The following SERGEF variants were observed in gnomAD, a reference collection of about 807,000 sequenced individuals.
SERGEF encodes the protein secretion regulating guanine nucleotide exchange factor.
A neutral mutation model predicts 50.0 loss-of-function variants in SERGEF; 51 were observed. The ratio of observed to expected loss-of-function variants is 1.02; its 90% CI spans 0.81 to 1.29. The LOEUF is 1.29. Among genes scored for constraint, SERGEF ranks in the 50% most tolerant of loss-of-function variants. SERGEF has a pLI of 0.00. For synonymous variants in SERGEF, 205 were observed against 212.4 expected (o/e 0.97, Z 0.30); for missense variants, 521 against 557.0 (o/e 0.94, Z 0.65).
chr11:17,830,434 T>C (rs940194422), intron 10 of SERGEF, among the ~76,000 whole-genome samples: 1 of 152,088 alleles, frequency 6.6e-6, no homozygotes, highest in Non-Finnish European at 1.5e-5. Context: ...TAGACGTTTA[T>C]TGGTTTATAG....
At chr11:17,890,006 T>C (rs997303695) in intron 9 of SERGEF, among the ~76,000 whole-genome samples, 5 of 135,132 alleles carry the variant, frequency 3.7e-5, no homozygotes, top group African/African-American at 1.4e-4. Flanking sequence ...CATTTTACTG[T>C]AGGTAAGTTA....
chr11:17,978,722 C>CTAT, intron 8 of SERGEF, among the ~76,000 whole-genome samples: 1 of 152,314 alleles, frequency 6.6e-6, no homozygotes, highest in Non-Finnish European at 1.5e-5. Flanking sequence ...TTATGCAAGA[C>CTAT]CCTTTCCCTT....
intron 9 of SERGEF, among the ~76,000 whole-genome samples, chr11:17,896,861 GGGAAGGGAAGGGAAGGGAAGGGAA>G (rs1851651923): frequency 5.1e-4 from 2 of 3,942 alleles, no homozygotes; most frequent in African/African-American, 2.8e-3. Context: ...GGTAAGGGAA[GGGAAGGGAAGGGAAGGGAAGGGAA>G]GGGAAGGGAA....
In SERGEF at chr11:17,914,858, G is replaced by A. The variant is rs138995330; in HGVS notation, c.1012-36614C>T. Among the ~76,000 whole-genome samples the A allele has an allele frequency of 5.6e-4, 86 of 152,258 alleles. 1 individual carries two copies. In the East Asian group the frequency reaches 0.016, roughly 28 times the overall value. On this transcript the variant is annotated intron_variant, in intron 9 of 10. Coordinates refer to ENST00000265965, the MANE Select transcript of SERGEF (RefSeq NM_012139.4). ...AATATAATAGTGATCAACACAAAGGGCCCTGCTCTCATGGAGTTTAAATTC... is the reference window on the plus strand; with the variant it reads ...AATATAATAGTGATCAACACAAAGGACCCTGCTCTCATGGAGTTTAAATTC...
In SERGEF at chr11:17,880,320, G is replaced by A. The variant is rs142734386; in HGVS notation, c.1012-2076C>T. On this transcript the variant is annotated intron_variant, in intron 9 of 10. Coordinates refer to ENST00000265965, the MANE Select transcript of SERGEF (RefSeq NM_012139.4). ...TCATTATATGCTTCCTGGCTGTAAT[G>A]AGGCTGGTTCTCTAGGTCTGTTACA... Among the ~76,000 whole-genome samples, 183 of 152,328 alleles carry A rather than the reference G, an allele frequency of 1.2e-3. 1 individual carries two copies. The highest frequency in any genetic ancestry group is 4.2e-3 in the African/African-American group (175 of 41,578).
intron 9 of SERGEF, among the ~76,000 whole-genome samples, chr11:17,899,263 T>C (rs1342403741): frequency 6.6e-6 from 1 of 152,216 alleles, no homozygotes; most frequent in Non-Finnish European, 1.5e-5. Flanking sequence ...TTTTAATTAA[T>C]AATTTGGTCC....
chr11:17,788,375 T>C lies in SERGEF; in HGVS notation c.1087A>G (p.Met363Val), dbSNP rs1254895198. Residue 363 changes from methionine (M) to valine (V), a missense_variant, in exon 11 of 11, where the codon ATG becomes GTG. Transcript: ENST00000265965. Reference sequence around the variant, plus strand: ...TTGGCTTCAGTGCCATCTCCGCACATGCCATGCTCATTCCAGCCCCAAGAG... The same window carrying C: ...TTGGCTTCAGTGCCATCTCCGCACACGCCATGCTCATTCCAGCCCCAAGAG... ...CYSWGWNEHG[M>V]CGDGTEANVW... is the part of the protein sequence containing the mutation. The C allele has an allele frequency of 6.2e-7, 1 of 1,612,900 alleles. No individual in the cohort carries two copies. The highest frequency in any genetic ancestry group is 1.3e-5 in the African/African-American group (1 of 74,920).
intron 9 of SERGEF, among the ~76,000 whole-genome samples, chr11:17,926,537 T>C (rs1253305862): frequency 1.3e-5 from 2 of 152,198 alleles, no homozygotes; most frequent in African/African-American, 4.8e-5. Context: ...TTTCAGAGGT[T>C]AGCAGCTCAG....
At chr11:17,899,921 A>G (rs1361232987) in intron 9 of SERGEF, among the ~76,000 whole-genome samples, 1 of 150,366 alleles carries the variant, frequency 6.7e-6, no homozygotes, top group East Asian at 2.0e-4. Context: ...GCATGACTAC[A>G]CTCCAGCCTG....
intron 9 of SERGEF, among the ~76,000 whole-genome samples, chr11:17,924,492 C>T (rs1398910440): frequency 6.6e-6 from 1 of 152,068 alleles, no homozygotes; most frequent in African/African-American, 2.4e-5. Flanking sequence ...CCAAAAATTC[C>T]CTGCAAGCTC....
At chr11:17,792,174 C>G (rs1238166896) in intron 10 of SERGEF, among the ~76,000 whole-genome samples, 3 of 152,228 alleles carry the variant, frequency 2.0e-5, no homozygotes, top group Non-Finnish European at 4.4e-5. Context: ...AAGGCAATCA[C>G]TGGCCAAAAG....
At chr11:17,910,942 T>C (rs1208862405) in intron 9 of SERGEF, among the ~76,000 whole-genome samples, 2 of 152,142 alleles carry the variant, frequency 1.3e-5, no homozygotes, top group Non-Finnish European at 2.9e-5. Flanking sequence ...AAGTAGAACC[T>C]AAGCTGGACC....
At chr11:17,943,314 T>G (rs2133957821) in intron 9 of SERGEF, among the ~76,000 whole-genome samples, 1 of 152,264 alleles carries the variant, frequency 6.6e-6, no homozygotes, top group East Asian at 1.9e-4. Flanking sequence ...TACACTGTAG[T>G]TTTTCAAAAA....
At chr11:17,913,561 G>A (rs951530240) in intron 9 of SERGEF, among the ~76,000 whole-genome samples, 2 of 152,134 alleles carry the variant, frequency 1.3e-5, no homozygotes, top group Non-Finnish European at 2.9e-5. Context: ...AGGTAGCTTT[G>A]GGGGGTACTG....
chr11:17,995,816 T>C lies in SERGEF; in HGVS notation c.602A>G (p.Lys201Arg), dbSNP rs1367461133. 2 of 1,613,208 alleles carry C rather than the reference T, an allele frequency of 1.2e-6. No homozygotes were observed. The highest frequency in any genetic ancestry group is 2.7e-5 in the African/African-American group (2 of 74,904). The change falls in exon 6 of 11, where the codon AAG (lysine) becomes AGG (arginine). Residue 201 changes from lysine to arginine, a missense_variant. Lys to Arg is a conservative substitution (Grantham distance 26). Transcript: ENST00000265965. ...CTTACCTGTCACTCTGCTTGGTTCCTTTGCTGTGAAAAACAATGGAAGAGT... is the reference window on the plus strand; with the variant it reads ...CTTACCTGTCACTCTGCTTGGTTCCCTTGCTGTGAAAAACAATGGAAGAGT... Reference protein sequence around the residue: ...GQTLPLFFTAKEPSRVTGLEN... With the variant: ...GQTLPLFFTAREPSRVTGLEN...
intron 5 of SERGEF, among the ~76,000 whole-genome samples, chr11:17,998,473 ATATATATATATATATG>A (rs1853889215): frequency 9.6e-6 from 1 of 104,182 alleles, no homozygotes; most frequent in Non-Finnish European, 2.0e-5. Flanking sequence ...ATATATATAT[ATATATATATATATATG>A]CATGTGTGAG....
At chr11:17,824,937 T>C (rs942522122) in intron 10 of SERGEF, among the ~76,000 whole-genome samples, 3 of 152,200 alleles carry the variant, frequency 2.0e-5, no homozygotes, top group African/African-American at 7.2e-5. Flanking sequence ...TCTAAGCCAA[T>C]ATTATTTCCG....
rs79031672 is a variant in SERGEF at position 17,875,836 on chromosome 11, A to G, written c.1048+2372T>C. 6.0e-3 allele frequency among the ~76,000 whole-genome samples: 921 copies of G among 152,292 alleles called. 10 individuals are homozygous for G. The highest frequency in any genetic ancestry group is 0.031 in the Middle Eastern group (9 of 294). On this transcript the variant is annotated intron_variant, in intron 10 of 10. Transcript: ENST00000265965. ...TTTATGTTCTCTTCTAGTCTAGTCTATAACTATTTTGTGCCTTTTACATGT... is the reference window on the plus strand; with the variant it reads ...TTTATGTTCTCTTCTAGTCTAGTCTGTAACTATTTTGTGCCTTTTACATGT...
At chr11:17,890,204 G>A (rs1851507730) in intron 9 of SERGEF, among the ~76,000 whole-genome samples, 1 of 152,138 alleles carries the variant, frequency 6.6e-6, no homozygotes, top group Non-Finnish European at 1.5e-5. Flanking sequence ...CCTGTGCAAG[G>A]AAGGTAGTCA....
Sources: allele counts gnomAD v4.1 joint callset (sites outside exome capture counted in the v4.1 genomes callset), GRCh38; gene constraint gnomAD v4.1.1; transcripts MANE v1.5; gene names NCBI Gene and HGNC (gene_info 2026-07-23, HGNC 2026-07-21).